GRM5: variants seen among roughly 807,000 people sequenced by gnomAD.
The protein encoded by GRM5 is glutamate metabotropic receptor 5.
Under a neutral mutation model 83.1 loss-of-function variants are expected in GRM5, and 19 were observed. The observed-to-expected ratio is 0.23, with a 90% CI of 0.16 to 0.34. The LOEUF (loss-of-function observed/expected upper bound fraction) is 0.34. Ranked by LOEUF, GRM5 falls within the 10% of genes least tolerant of loss-of-function variation. The pLI is 1.00. For synonymous variants in GRM5, 675 were observed against 633.6 expected, an observed-to-expected ratio of 1.07 and a Z score of -0.98; for missense variants, 1,160 against 1,588.3, an observed-to-expected ratio of 0.73 and a Z score of 4.58.
rs544509324 is a variant in GRM5 at position 88,539,179 on chromosome 11, C to T, written c.2631-13775G>A. On this transcript the variant is annotated intron_variant, in intron 8 of 9. Coordinates refer to ENST00000305447, the MANE Select transcript of GRM5 (RefSeq NM_001143831.3). ...GTGGTGCTCGATGGAAGCAGATTTGCTCTAAAGCTGATGGAGTATCAGGGT... is the reference window on the plus strand; with the variant it reads ...GTGGTGCTCGATGGAAGCAGATTTGTTCTAAAGCTGATGGAGTATCAGGGT... Among the ~76,000 whole-genome samples the T allele has an allele frequency of 1.1e-3, 175 of 152,330 alleles. 1 individual carries two copies. The highest frequency in any genetic ancestry group is 2.3e-3 in the Admixed American group (35 of 15,298).
chr11:88,993,089 A>T (rs1376268533), intron 2 of GRM5, among the ~76,000 whole-genome samples: 3 of 151,578 alleles, frequency 2.0e-5, no homozygotes, highest in Non-Finnish European at 4.4e-5. Flanking sequence ...ACATAGTGAA[A>T]CCCACCTCTA....
intron 3 of GRM5, among the ~76,000 whole-genome samples, chr11:88,762,878 T>C (rs1483792939): frequency 6.6e-6 from 1 of 151,904 alleles, no homozygotes; most frequent in Non-Finnish European, 1.5e-5. Context: ...CACGAACATG[T>C]AATGGACTGG....
chr11:88,508,539 A>T lies in GRM5; in HGVS notation c.*53T>A. On this transcript the variant is annotated 3_prime_UTR_variant, in exon 10 of 10. Coordinates refer to ENST00000305447, the MANE Select transcript of GRM5 (RefSeq NM_001143831.3). The surrounding 1 kb of genome is among the most constrained non-coding windows in gnomAD (Gnocchi z 4.2). Reference sequence around the variant, plus strand: ...CTATGCTTGCCATTGTGTGTGTGTGAACACGGGGGGCTCCGCTCCGCACGC... The same window carrying T: ...CTATGCTTGCCATTGTGTGTGTGTGTACACGGGGGGCTCCGCTCCGCACGC... 6.8e-7 allele frequency: 1 copy of T among 1,466,756 alleles called. No individual in the cohort carries two copies. Among genetic ancestry groups the T allele is most frequent in the South Asian group, 1.2e-5 (1 of 85,930 alleles). The allele number at this position is 1,466,756 out of a possible 1,614,324, so 90.9% of individuals were successfully genotyped here. A position where few individuals can be genotyped will look rare whatever the true frequency, so the allele number is the denominator to read the frequency against.
intron 7 of GRM5, among the ~76,000 whole-genome samples, chr11:88,581,777 G>A (rs149108383): frequency 1.3e-4 from 20 of 152,110 alleles, no homozygotes; most frequent in South Asian, 2.1e-4. Context: ...ATGAAAAAGC[G>A]ACCGTGAAAT....
intron 3 of GRM5, among the ~76,000 whole-genome samples, chr11:88,830,807 T>A (rs555704592): frequency 2.0e-5 from 3 of 152,210 alleles, no homozygotes; most frequent in African/African-American, 4.8e-5. Context: ...AGGAAGAGGT[T>A]TAATTGGATT....
At chr11:89,019,661 C>T (rs182975557) in intron 2 of GRM5, among the ~76,000 whole-genome samples, 230 of 152,160 alleles carry the variant, frequency 1.5e-3, no homozygotes, top group African/African-American at 5.4e-3. Context: ...GCCGAGAATA[C>T]ACTGCCACTG....
At chr11:88,780,968 T>C (rs923994684) in intron 3 of GRM5, among the ~76,000 whole-genome samples, 4 of 152,012 alleles carry the variant, frequency 2.6e-5, no homozygotes, top group Admixed American at 6.6e-5. Context: ...AACATGGCTT[T>C]TTTTTTCCAC....
chr11:88,563,847 G>T (rs1416489219), intron 8 of GRM5, among the ~76,000 whole-genome samples: 6 of 152,182 alleles, frequency 3.9e-5, no homozygotes, highest in African/African-American at 1.4e-4. Context: ...ATTATCAAAT[G>T]GGAGCTGAAT....
intron 2 of GRM5, among the ~76,000 whole-genome samples, chr11:88,957,309 A>G (rs1162590360): frequency 6.6e-6 from 1 of 152,246 alleles, no homozygotes; most frequent in Non-Finnish European, 1.5e-5. Context: ...AAGAGACTAA[A>G]GAACATGACA....
intron 2 of GRM5, among the ~76,000 whole-genome samples, chr11:88,903,837 C>T (rs1237042982): frequency 6.6e-6 from 1 of 152,170 alleles, no homozygotes; most frequent in Admixed American, 6.5e-5. Context: ...AAAGATCTGA[C>T]TTTACCGCTG....
At chr11:88,703,413 C>G (rs982237900) in intron 3 of GRM5, among the ~76,000 whole-genome samples, 1 of 151,978 alleles carries the variant, frequency 6.6e-6, no homozygotes. Context: ...CTCATGTTAC[C>G]TTAAAACACT....
At chr11:88,864,796 G>A (rs758445750) in intron 2 of GRM5, among the ~76,000 whole-genome samples, 1 of 152,018 alleles carries the variant, frequency 6.6e-6, no homozygotes, top group Non-Finnish European at 1.5e-5. Flanking sequence ...GATATTGGCT[G>A]TGGGTTTCTC....
chr11:88,659,846 C>A (rs964834986), intron 3 of GRM5, among the ~76,000 whole-genome samples: 1 of 152,004 alleles, frequency 6.6e-6, no homozygotes, highest in African/African-American at 2.4e-5. Flanking sequence ...AATCTATCTC[C>A]CTTAATGAAA....
At chr11:88,952,562 T>C (rs1938496958) in intron 2 of GRM5, among the ~76,000 whole-genome samples, 1 of 152,054 alleles carries the variant, frequency 6.6e-6, no homozygotes, top group Admixed American at 6.6e-5. Flanking sequence ...CATTAACTTC[T>C]CAGTACCGCC....
chr11:88,650,852 T>C (rs974561913), intron 4 of GRM5, among the ~76,000 whole-genome samples: 2 of 152,086 alleles, frequency 1.3e-5, no homozygotes, highest in African/African-American at 2.4e-5. Context: ...TTAATAGTTA[T>C]ATGACTGGAG....
intron 4 of GRM5, among the ~76,000 whole-genome samples, chr11:88,643,481 C>T (rs1939353286): frequency 6.6e-6 from 1 of 152,104 alleles, no homozygotes; most frequent in African/African-American, 2.4e-5. Flanking sequence ...GCATTCCTTC[C>T]TCTAGAATAT....
rs762327717 is a variant in GRM5 at position 88,509,139 on chromosome 11, G to A, written c.3092C>T (p.Ser1031Leu). ...PISTLSHRAG[S>L]ASRTDDDVPS... ...CACATCGTCGTCCGTGCGGCTGGCC[G>A]AGCCCGCGCGGTGGCTCAGCGTGCT... The change falls in exon 10 of 10, where the codon TCG becomes TTG. Residue 1031 changes from serine to leucine, a missense_variant. Around this residue, in one of 9 missense-constraint regions of GRM5, gnomAD observed 562 missense variants for 532.4 expected, o/e 1.06. Transcript: ENST00000305447. 6 of 1,540,944 alleles carry A rather than the reference G, an allele frequency of 3.9e-6. No homozygotes were observed. The highest frequency in any genetic ancestry group is 2.0e-5 in the Admixed American group (1 of 50,776).
At chr11:89,011,196 T>C (rs950768573) in intron 2 of GRM5, among the ~76,000 whole-genome samples, 3 of 152,274 alleles carry the variant, frequency 2.0e-5, no homozygotes, top group East Asian at 1.9e-4. Context: ...TTTTCTTTCG[T>C]TTTCTTTTTT....
At position 88,508,680 on chromosome 11, in the gene GRM5, A is replaced by G; in HGVS notation, c.3551T>C (p.Val1184Ala). Residue 1184 changes from valine to alanine, a missense_variant, in exon 10 of 10, where the codon GTG becomes GCG. Val to Ala is a moderately conservative substitution (Grantham distance 64). Coordinates refer to ENST00000305447, the MANE Select transcript of GRM5 (RefSeq NM_001143831.3). The surrounding 1 kb of genome is among the most constrained non-coding windows in gnomAD (Gnocchi z 4.2). ...CGGGATACAGAGGGCCGACTCGGAC[A>G]CTGGCGAGTTGGGGGTTGTGCTCCC... is the stretch of plus-strand genomic sequence containing the variant. Reference protein sequence around the residue: ...DSGSTTPNSPVSESALCIPSS... With the variant: ...DSGSTTPNSPASESALCIPSS... 6.2e-7 allele frequency: 1 copy of G among 1,608,120 alleles called. No homozygotes were observed. Among genetic ancestry groups the G allele is most frequent in the South Asian group, 1.1e-5 (1 of 91,004 alleles).
Sources: gnomAD v4.1 joint callset for allele counts (sites outside exome capture counted in the v4.1 genomes callset) on GRCh38, gnomAD v4.1.1 for gene constraint, gnomAD v4.1.1 regional missense constraint, Gnocchi (gnomAD v3.1) non-coding constraint, MANE v1.5 for transcripts, NCBI Gene and HGNC (gene_info 2026-07-23, HGNC 2026-07-21) for gene names.